Variants in C2orf42 observed in about 807,000 individuals in gnomAD.
The protein encoded by C2orf42 is uncharacterized protein C2orf42.
Under a neutral mutation model 58.9 loss-of-function variants are expected in C2orf42, and 44 were observed. The ratio of observed to expected loss-of-function variants is 0.75; its 90% CI spans 0.59 to 0.96. The LOEUF (loss-of-function observed/expected upper bound fraction) is 0.96, where lower values mean the gene tolerates loss of function less well. Ranked by LOEUF, C2orf42 falls within the 40% of genes least tolerant of loss-of-function variation. The probability of loss-of-function intolerance (pLI) is 0.00; values close to 1 mark genes in which losing one functional copy is unlikely to be tolerated. For missense variants in C2orf42, 630 were observed against 699.2 expected (o/e 0.90, Z 1.12); for synonymous variants, 239 against 265.4 (o/e 0.90, Z 0.97).
At chr2:70,169,437 G>T in intron 6 of C2orf42, 120 bp downstream of exon 6, 1 of 450,330 alleles carries the variant, frequency 2.2e-6, no homozygotes, top group Non-Finnish European at 4.0e-6. Context: ...CTACTTTCTT[G>T]TGGCCCAGTG....
At chr2:70,168,863 C>T (rs1487500399) in intron 6 of C2orf42, among the ~76,000 whole-genome samples, 2 of 151,928 alleles carry the variant, frequency 1.3e-5, no homozygotes, top group Admixed American at 6.6e-5. Flanking sequence ...CAGGCACCCA[C>T]TATAATGCCT....
At chr2:70,180,362 C>T (rs542330080) in intron 3 of C2orf42, among the ~76,000 whole-genome samples, 1 of 151,770 alleles carries the variant, frequency 6.6e-6, no homozygotes, top group Non-Finnish European at 1.5e-5. Context: ...AATCCCAGTA[C>T]TTTGGGAGGC....
intron 8 of C2orf42, among the ~76,000 whole-genome samples, chr2:70,161,932 C>G (rs1673076931): frequency 6.6e-6 from 1 of 151,944 alleles, no homozygotes; most frequent in South Asian, 2.1e-4. Flanking sequence ...GCCTCCAACT[C>G]CCAGGCTCAA....
At chr2:70,170,671 T>C (rs576962574) in intron 5 of C2orf42, among the ~76,000 whole-genome samples, 1 of 151,006 alleles carries the variant, frequency 6.6e-6, no homozygotes, top group East Asian at 2.0e-4. Context: ...GGAGAATTGC[T>C]TGAACCCGGG....
chr2:70,150,768 C>T (rs993607652), intron 9 of C2orf42, among the ~76,000 whole-genome samples: 3 of 152,234 alleles, frequency 2.0e-5, no homozygotes, highest in South Asian at 2.1e-4. Context: ...TTTTTTGAGA[C>T]GGAGTCTCGC....
intron 9 of C2orf42, among the ~76,000 whole-genome samples, chr2:70,153,675 T>TAAAAA (rs201383627): frequency 4.4e-5 from 6 of 135,380 alleles, no homozygotes; most frequent in African/African-American, 1.6e-4. Flanking sequence ...AACAGGAAAT[T>TAAAAA]AAAAAAAAAA....
At chr2:70,153,032 CA>C (rs879667551) in intron 9 of C2orf42, among the ~76,000 whole-genome samples, 1,797 of 115,248 alleles carry the variant, frequency 0.016, 11 homozygotes, top group Admixed American at 0.018. Context: ...GACTCCATCT[CA>C]AAAAAAAAAA....
intron 1 of C2orf42, among the ~76,000 whole-genome samples, chr2:70,190,024 A>C (rs1344413748): frequency 6.6e-6 from 1 of 152,206 alleles, no homozygotes; most frequent in Non-Finnish European, 1.5e-5. Context: ...AGAAGAAACG[A>C]CATGGGATTT....
intron 9 of C2orf42, among the ~76,000 whole-genome samples, chr2:70,151,982 G>T (rs916761815): frequency 2.0e-5 from 3 of 152,042 alleles, no homozygotes; most frequent in African/African-American, 7.2e-5. Context: ...TCAGCAGGTT[G>T]GCCAGGCTGG....
intron 5 of C2orf42, among the ~76,000 whole-genome samples, chr2:70,170,048 C>T (rs1296188597): frequency 1.3e-5 from 2 of 151,816 alleles, no homozygotes; most frequent in African/African-American, 4.8e-5. Context: ...CGTGAGCCAC[C>T]GCGCCCGGCC....
intron 4 of C2orf42, among the ~76,000 whole-genome samples, chr2:70,178,378 G>A (rs796988362): frequency 5.3e-5 from 8 of 152,156 alleles, no homozygotes; most frequent in African/African-American, 1.7e-4. Context: ...AGGCCAAGGC[G>A]GGTGGATCAC....
intron 9 of C2orf42, among the ~76,000 whole-genome samples, chr2:70,150,846 A>T (rs1438155649): frequency 6.6e-6 from 1 of 152,152 alleles, no homozygotes; most frequent in African/African-American, 2.4e-5. Flanking sequence ...CCCGGGTTCA[A>T]GCGATTCTCC....
At position 70,160,642 on chromosome 2, in the gene C2orf42, T is replaced by C. The variant is rs761316823; in HGVS notation, c.1499A>G (p.Lys500Arg). The C allele has an allele frequency of 5.6e-6, 9 of 1,597,186 alleles. No homozygotes were observed. The East Asian group carries it at 2.0e-4, about 36-fold the overall frequency. The change falls in exon 9 of 10, where the codon AAA becomes AGA. Residue 500 changes from lysine to arginine, a missense_variant. Physicochemically the swap from Lys to Arg is conservative, Grantham distance 26. Transcript: ENST00000264434. ...KQPVLRPLEL[K>R]TFLKVGNTSP... ...TCACTTACCAACTTTGAGAAAAGTT[T>C]TTAGTTCCAAGGGTCGCAGCACTGG...
chr2:70,173,559 G>A (rs891709046), intron 5 of C2orf42, among the ~76,000 whole-genome samples: 1 of 152,120 alleles, frequency 6.6e-6, no homozygotes, highest in African/African-American at 2.4e-5. Context: ...GGGATCACAG[G>A]CGTGAGCCAC....
Position 70,170,448 on chromosome 2 carries a change from G to A in C2orf42, c.1040-787C>T, listed in dbSNP as rs867653341. ...TTTTAATAGAGACAGGGTTTTTGCC[G>A]TGTTTCCCAGGCTGGTCTCAAACTC... On this transcript the variant is annotated intron_variant, in intron 5 of 9. Transcript: ENST00000264434. Among the ~76,000 whole-genome samples the A allele has an allele frequency of 7.9e-5, 12 of 151,470 alleles. No homozygotes were observed. The Middle Eastern group carries it at 0.021, about 259-fold the overall frequency.
At position 70,169,572 on chromosome 2, in the gene C2orf42, G is replaced by C; in HGVS notation, c.1129C>G (p.His377Asp). The C allele has an allele frequency of 6.4e-7, 1 of 1,568,926 alleles. No individual in the cohort carries two copies. Among genetic ancestry groups the C allele is most frequent in the East Asian group, 2.2e-5 (1 of 44,672 alleles). ...CAATACTTACCATCAAACTGATAGT[G>C]CATGGTTTGATGGATGCGTTCTGTG... ...SVTERIHQTM[H>D]YQFDGKPEPL... The change falls in exon 6 of 10, where the codon CAC becomes GAC. Residue 377 changes from histidine (H) to aspartate (D), a missense_variant. Transcript: ENST00000264434.
intron 1 of C2orf42, among the ~76,000 whole-genome samples, chr2:70,185,302 G>A (rs1040315029): frequency 2.0e-4 from 31 of 152,140 alleles, no homozygotes; most frequent in African/African-American, 7.2e-4. Flanking sequence ...CAGCTACTCC[G>A]GAGGCTGAGG....
At chr2:70,185,796 C>CACATAT (rs1553412728) in intron 1 of C2orf42, among the ~76,000 whole-genome samples, 1 of 149,628 alleles carries the variant, frequency 6.7e-6, no homozygotes, top group African/African-American at 2.5e-5. Flanking sequence ...TACACACACA[C>CACATAT]ATATATATAT....
intron 3 of C2orf42, 66 bp downstream of exon 3, chr2:70,181,097 A>G: frequency 1.2e-6 from 1 of 850,198 alleles, no homozygotes; most frequent in Middle Eastern, 2.3e-4. Context: ...CTCCAAATGC[A>G]TCAGTGGAAC....
Sources: allele counts gnomAD v4.1 joint callset (sites outside exome capture counted in the v4.1 genomes callset), GRCh38; gene constraint gnomAD v4.1.1; transcripts MANE v1.5; gene names NCBI Gene and HGNC (gene_info 2026-07-23, HGNC 2026-07-21).